The following MUS81 variants were observed in gnomAD, a reference collection of about 807,000 sequenced individuals.
The protein encoded by MUS81 is MUS81 structure-specific endonuclease subunit.
Under a neutral mutation model 74.2 loss-of-function variants are expected in MUS81, and 69 were observed. The ratio of observed to expected loss-of-function variants is 0.93; its 90% CI spans 0.77 to 1.14. MUS81 has a LOEUF of 1.14. Ranked by LOEUF, MUS81 falls within the 50% of genes most tolerant of loss-of-function variation. The probability of loss-of-function intolerance (pLI) is 0.00; values close to 1 mark genes in which losing one functional copy is unlikely to be tolerated. For missense variants in MUS81, 711 were observed against 726.5 expected (o/e 0.98, Z 0.25); for synonymous variants, 303 against 300.6 (o/e 1.01, Z -0.08).
At position 65,863,139 on chromosome 11, in the gene MUS81, T is replaced by C. The variant is rs748054944; in HGVS notation, c.680T>C (p.Val227Ala). 1 of 1,614,032 alleles carries C rather than the reference T, an allele frequency of 6.2e-7. No individual in the cohort carries two copies. Among genetic ancestry groups the C allele is most frequent in the East Asian group, 2.2e-5 (1 of 44,884 alleles). Residue 227 changes from valine to alanine, a missense_variant, in exon 7 of 16, where the codon GTG (valine) becomes GCG (alanine). Physicochemically the swap from Val to Ala is moderately conservative, Grantham distance 64. Transcript: ENST00000308110. ...TCAGAAGGCCTGAGCTTGCTGAATGTGGGCATCGGGCCCAAGGAGCCCCCT... is the reference window on the plus strand; with the variant it reads ...TCAGAAGGCCTGAGCTTGCTGAATGCGGGCATCGGGCCCAAGGAGCCCCCT... ...AESEGLSLLN[V>A]GIGPKEPPGE...
Position 65,864,494 on chromosome 11 carries a change from T to C in MUS81, c.1060-3T>C. On this transcript the variant is annotated splice_region_variant and splice_polypyrimidine_tract_variant and intron_variant, in intron 10 of 15. Coordinates refer to ENST00000308110, the MANE Select transcript of MUS81 (RefSeq NM_025128.5). Reference sequence around the variant, plus strand: ...TCCCTGTCCACTCTGTACACTTCCCTAGTTCCGGCTGAAGCGCTGTGGTCT... The same window carrying C: ...TCCCTGTCCACTCTGTACACTTCCCCAGTTCCGGCTGAAGCGCTGTGGTCT... 1 of 1,613,310 alleles carries C rather than the reference T, an allele frequency of 6.2e-7. No individual in the cohort carries two copies. Among genetic ancestry groups the C allele is most frequent in the South Asian group, 1.1e-5 (1 of 91,060 alleles).
At position 65,863,552 on chromosome 11, in the gene MUS81, G is replaced by T; in HGVS notation, c.840-48G>T. On this transcript the variant is annotated intron_variant, in intron 8 of 15. Transcript: ENST00000308110. ...GGAGATGATCAGAGGAGGCTGGGGGGTAGGCACTGCCCTGCTCTGATCTAG... is the reference window on the plus strand; with the variant it reads ...GGAGATGATCAGAGGAGGCTGGGGGTTAGGCACTGCCCTGCTCTGATCTAG... 3.7e-6 allele frequency: 6 copies of T among 1,613,960 alleles called. 1 individual carries two copies. Among genetic ancestry groups the T allele is most frequent in the Non-Finnish European group, 3.4e-6 (4 of 1,179,956 alleles).
downstream of MUS81, chr11:65,867,562 C>A: frequency 2.1e-6 from 1 of 486,074 alleles, no homozygotes; most frequent in East Asian, 3.9e-5. Context: ...AAGGAGTGGA[C>A]TTTCTGACCC....
At position 65,862,097 on chromosome 11, in the gene MUS81, T is replaced by C. The variant is rs1439385620; in HGVS notation, c.450+52T>C. On this transcript the variant is annotated intron_variant, in intron 4 of 15. Coordinates refer to ENST00000308110, the MANE Select transcript of MUS81 (RefSeq NM_025128.5). ...GGAACCATGGCAGTGGGGTGGGAGG[T>C]TCCCCGAGGGGCCTGGCCCAGGCAG... 6.9e-6 allele frequency: 11 copies of C among 1,590,344 alleles called. No individual in the cohort carries two copies. In the African/African-American group the frequency reaches 1.2e-4, roughly 18 times the overall value.
Position 65,860,908 on chromosome 11 carries a change from G to C in MUS81, c.135+20G>C, listed in dbSNP as rs763933794. On this transcript the variant is annotated intron_variant, in intron 1 of 15. Coordinates refer to ENST00000308110, the MANE Select transcript of MUS81 (RefSeq NM_025128.5). ...CAGAAGGTGGGTCCTGGCGTGGCCC[G>C]ATGGGAAAAGCTGCTGGCCAGGTCA... 3 of 1,603,120 alleles carry C rather than the reference G, an allele frequency of 1.9e-6. No homozygotes were observed. The highest frequency in any genetic ancestry group is 1.7e-5 in the Admixed American group (1 of 59,068).
rs914859274 is a variant in MUS81, at chr11:65,862,178, G to A, written c.451-33G>A. ...CGGGATGAGGAGGGGCCCTGGCACT[G>A]AGCCTACCCTGTCTTTTCTACCTTG... On this transcript the variant is annotated intron_variant, in intron 4 of 15. Coordinates refer to ENST00000308110, the MANE Select transcript of MUS81 (RefSeq NM_025128.5). 7 of 1,609,898 alleles carry A rather than the reference G, an allele frequency of 4.3e-6. No individual in the cohort carries two copies. The African/African-American group carries it at 9.4e-5, about 22-fold the overall frequency.
Position 65,860,644 on chromosome 11 carries a change from C to G in MUS81, c.-110C>G. On this transcript the variant is annotated 5_prime_UTR_variant, in exon 1 of 16. Coordinates refer to ENST00000308110, the MANE Select transcript of MUS81 (RefSeq NM_025128.5). Reference sequence around the variant, plus strand: ...TGATCTCAACGGTCCTGCCCTCGGTCTCCCTCTTCCCCCGCCCCGCCCTGG... The same window carrying G: ...TGATCTCAACGGTCCTGCCCTCGGTGTCCCTCTTCCCCCGCCCCGCCCTGG... 6.8e-7 allele frequency: 1 copy of G among 1,463,252 alleles called. No individual in the cohort carries two copies. The highest frequency in any genetic ancestry group is 9.2e-7 in the Non-Finnish European group (1 of 1,084,710). 90.6% of individuals were successfully genotyped at this position (1,463,252 alleles called of 1,614,324 possible). A position where few individuals can be genotyped will look rare whatever the true frequency, so the allele number is the denominator to read the frequency against.
chr11:65,865,709 C>T, intron 14 of MUS81, 102 bp from the exon 15 acceptor site: 1 of 1,207,442 alleles, frequency 8.3e-7, no homozygotes, highest in Non-Finnish European at 1.2e-6. Flanking sequence ...GGGCAGTGTC[C>T]CAACTCTTCC....
rs1471178827 is a variant in MUS81 at position 65,866,409 on chromosome 11, A to G, written c.*357A>G. On this transcript the variant is annotated 3_prime_UTR_variant, in exon 16 of 16. Coordinates refer to ENST00000308110, the MANE Select transcript of MUS81 (RefSeq NM_025128.5). Reference sequence around the variant, plus strand: ...GAAAATAAAAATAATAAAAATAAATAAAACTTCCTAAAAGAAAAGATTGAA... The same window carrying G: ...GAAAATAAAAATAATAAAAATAAATGAAACTTCCTAAAAGAAAAGATTGAA... 6.2e-6 allele frequency: 4 copies of G among 644,544 alleles called. No homozygotes were observed. The highest frequency in any genetic ancestry group is 1.1e-5 in the Non-Finnish European group (4 of 363,876). 39.9% of individuals were successfully genotyped at this position (644,544 alleles called of 1,614,324 possible). A position where few individuals can be genotyped will look rare whatever the true frequency, so the allele number is the denominator to read the frequency against.
At chr11:65,860,408 A>G (rs892470201), upstream of MUS81, 8 of 500,238 alleles carry the variant, frequency 1.6e-5, no homozygotes, top group Middle Eastern at 4.7e-4. Flanking sequence ...CGCCTACACA[A>G]AGACCCCGCT....
At chr11:65,861,215 CGGCCTAGGGCTAGT>C (rs1489191401) in intron 2 of MUS81, 113 bp downstream of exon 2, 2 of 1,565,004 alleles carry the variant, frequency 1.3e-6, no homozygotes, top group Non-Finnish European at 1.7e-6. Context: ...AGTTGCCGTT[CGGCCTAGGGCTAGT>C]GGCTGGCGCT....
chr11:65,861,880 C>A, intron 3 of MUS81, 67 bp from the exon 4 acceptor site: 1 of 1,301,692 alleles, frequency 7.7e-7, no homozygotes, highest in Non-Finnish European at 1.1e-6. Context: ...GGCCACAAAG[C>A]CTGCTGGGGA....
Position 65,861,089 on chromosome 11 carries a change from C to G in MUS81, c.252C>G (p.His84Gln). Residue 84 changes from histidine (H) to glutamine (Q), a missense_variant, in exon 2 of 16, where the codon CAC becomes CAG. Transcript: ENST00000308110. ...TGCTGGACGAGCGGCTGCAGCGGCA[C>G]CGAACATCGGGCGGTGAGCGCCTCG... ...CRMLDERLQR[H>Q]RTSGGDHAPD... 3.1e-6 allele frequency: 5 copies of G among 1,612,564 alleles called. No individual in the cohort carries two copies. The highest frequency in any genetic ancestry group is 3.4e-6 in the Non-Finnish European group (4 of 1,179,970).
chr11:65,867,061 C>T (rs193302868), downstream of MUS81: 3 of 1,614,144 alleles, frequency 1.9e-6, no homozygotes, highest in Non-Finnish European at 2.5e-6. Context: ...ACCAGCATGG[C>T]GCTGACGTTG....
chr11:65,861,508 G>C, intron 3 of MUS81, 73 bp downstream of exon 3: 1 of 1,358,472 alleles, frequency 7.4e-7, no homozygotes, highest in Admixed American at 2.1e-5. Context: ...TGGGGGATTT[G>C]GCAAGCCTGA....
chr11:65,865,086 A>C lies in MUS81; in HGVS notation c.1342A>C (p.Asn448His), dbSNP rs1252276554. ...TGAATCAGGGGCCATGACCTCTCCAAACCCTCTCTGCTCACTCCTCACCTT... is the reference window on the plus strand; with the variant it reads ...TGAATCAGGGGCCATGACCTCTCCACACCCTCTCTGCTCACTCCTCACCTT... Reference protein sequence around the residue: ...NPESGAMTSPNPLCSLLTFSD... With the variant: ...NPESGAMTSPHPLCSLLTFSD... Residue 448 changes from asparagine to histidine, a missense_variant, in exon 13 of 16, where the codon AAC (asparagine) becomes CAC (histidine). Transcript: ENST00000308110. 6.2e-7 allele frequency: 1 copy of C among 1,614,092 alleles called. No homozygotes were observed. The highest frequency in any genetic ancestry group is 8.5e-7 in the Non-Finnish European group (1 of 1,180,000).
rs1859810851 is a variant in MUS81, at chr11:65,865,871, C to T, written c.1566C>T (p.Thr522=). 5 of 1,614,074 alleles carry T rather than the reference C, an allele frequency of 3.1e-6. No individual in the cohort carries two copies. Among genetic ancestry groups the T allele is most frequent in the Non-Finnish European group, 3.4e-6 (4 of 1,180,036 alleles). The change falls in exon 15 of 16, where the codon ACC becomes ACT. Residue 522 remains threonine, a synonymous_variant. Coordinates refer to ENST00000308110, the MANE Select transcript of MUS81 (RefSeq NM_025128.5). ...TPKEQETLLS[T]IKCGRLQRNL... ...AGGAACAAGAGACACTGCTGAGCAC[C>T]ATTAAGTGTGGGCGTCTACAGAGGT...
rs1280733085 is a variant in MUS81 at position 65,860,712 on chromosome 11, G to T, written c.-42G>T. 1.0e-5 allele frequency: 16 copies of T among 1,532,688 alleles called. No individual in the cohort carries two copies. The highest frequency in any genetic ancestry group is 1.4e-5 in the Non-Finnish European group (16 of 1,145,680). The allele number at this position is 1,532,688 out of a possible 1,614,324, so 94.9% of individuals were successfully genotyped here. On this transcript the variant is annotated 5_prime_UTR_variant, in exon 1 of 16. Coordinates refer to ENST00000308110, the MANE Select transcript of MUS81 (RefSeq NM_025128.5). ...CGACTCCAGAACTGGCGGCGTCCCA[G>T]TCCCGCGGGCGTGGAGCGCCGGAGG...
At chr11:65,867,220 C>T (rs563483609), downstream of MUS81, 31 of 919,290 alleles carry the variant, frequency 3.4e-5, no homozygotes, top group South Asian at 4.4e-4. Flanking sequence ...TCTCATGCAG[C>T]TCTTTGACAC....
Sources: gnomAD v4.1 joint callset for allele counts on GRCh38, gnomAD v4.1.1 for gene constraint, MANE v1.5 for transcripts, NCBI Gene and HGNC (gene_info 2026-07-23, HGNC 2026-07-21) for gene names.